The following SEC24D variants were observed in gnomAD, a reference collection of about 807,000 sequenced individuals.
SEC24D encodes protein transport protein Sec24D.
SEC24D carries 69 observed loss-of-function variants against 116.9 expected under a neutral mutation model. That is an observed-to-expected ratio of 0.59 (90% confidence interval 0.49 to 0.72). The LOEUF is 0.72. Ranked by LOEUF, SEC24D falls within the 30% of genes least tolerant of loss-of-function variation. SEC24D has a pLI of 0.00. For synonymous variants in SEC24D, 405 were observed against 442.8 expected, an observed-to-expected ratio of 0.91 and a Z score of 1.07; for missense variants, 1,131 against 1,264.1, an observed-to-expected ratio of 0.89 and a Z score of 1.60.
chr4:118,795,735 A>C (rs527940441), intron 8 of SEC24D, among the ~76,000 whole-genome samples: 1 of 152,272 alleles, frequency 6.6e-6, no homozygotes, highest in Non-Finnish European at 1.5e-5. Flanking sequence ...AAACAATCAC[A>C]ACTGTGGCTG....
intron 19 of SEC24D, chr4:118,735,625 G>A (rs1483950841): frequency 2.6e-5 from 4 of 151,490 alleles, no homozygotes; most frequent in Non-Finnish European, 5.9e-5. Flanking sequence ...TCAGAACAGT[G>A]AGATATTAGA....
chr4:118,735,474 T>G (rs1725911808), intron 19 of SEC24D, among the ~76,000 whole-genome samples: 1 of 152,202 alleles, frequency 6.6e-6, no homozygotes, highest in African/African-American at 2.4e-5. Flanking sequence ...TCTTTCCTTC[T>G]TTAGGTTTTA....
intron 8 of SEC24D, among the ~76,000 whole-genome samples, chr4:118,789,174 C>CCAGA (rs1463290239): frequency 5.9e-5 from 9 of 152,260 alleles, no homozygotes; most frequent in African/African-American, 1.9e-4. Flanking sequence ...TTTAATAGCC[C>CCAGA]CAGAACCTGT....
At chr4:118,812,125 T>C (rs1460709246) in intron 6 of SEC24D, among the ~76,000 whole-genome samples, 2 of 152,148 alleles carry the variant, frequency 1.3e-5, no homozygotes, top group Non-Finnish European at 2.9e-5. Flanking sequence ...ACAAACCCAG[T>C]ATACCGTACT....
chr4:118,790,105 A>G (rs925552119), intron 8 of SEC24D, among the ~76,000 whole-genome samples: 2 of 152,234 alleles, frequency 1.3e-5, no homozygotes, highest in African/African-American at 4.8e-5. Context: ...CCTAAAGTTC[A>G]GCAGAGTTCC....
chr4:118,822,122 A>C (rs1352444771), intron 3 of SEC24D, among the ~76,000 whole-genome samples: 1 of 152,202 alleles, frequency 6.6e-6, no homozygotes, highest in Non-Finnish European at 1.5e-5. Flanking sequence ...GATATTGACA[A>C]ATGCTAAGGT....
At chr4:118,790,192 A>G (rs927496760) in intron 8 of SEC24D, among the ~76,000 whole-genome samples, 2 of 152,194 alleles carry the variant, frequency 1.3e-5, no homozygotes, top group African/African-American at 2.4e-5. Flanking sequence ...TGCTAATTCA[A>G]TAAGCAAGGA....
chr4:118,745,116 T>TA (rs1726446713), intron 13 of SEC24D, 56 bp from the exon 14 acceptor site: 4 of 926,048 alleles, frequency 4.3e-6, no homozygotes, highest in Non-Finnish European at 6.8e-6. Context: ...TAGGAACATT[T>TA]TAAGAGAATC....
In SEC24D at chr4:118,805,919, T is replaced by C. The variant is rs1412770002; in HGVS notation, c.837A>G (p.Gly279=). 1 of 1,596,188 alleles carries C rather than the reference T, an allele frequency of 6.3e-7. No individual in the cohort carries two copies. The highest frequency in any genetic ancestry group is 1.2e-5 in the South Asian group (1 of 86,422). The change falls in exon 7 of 23, where the codon GGA becomes GGG. Residue 279 remains glycine, a synonymous_variant. Coordinates refer to ENST00000280551, the MANE Select transcript of SEC24D (RefSeq NM_014822.4). The part of the protein sequence containing the change: ...QVIENDRASR[G]GQVYATNTRG... ...TGGTGTTGGTGGCATAAACTTGTCC[T>C]CCTCTGCTGGCTCTATCATTCTCAA...
chr4:118,765,096 A>C (rs1428753350), intron 9 of SEC24D, among the ~76,000 whole-genome samples, 179 bp from the exon 10 acceptor site: 1 of 152,210 alleles, frequency 6.6e-6, no homozygotes, highest in Non-Finnish European at 1.5e-5. Context: ...GGAAAAGAGG[A>C]GGGTTCTTAT....
At chr4:118,768,838 A>G (rs1012239218) in intron 8 of SEC24D, among the ~76,000 whole-genome samples, 2 of 152,264 alleles carry the variant, frequency 1.3e-5, no homozygotes, top group African/African-American at 2.4e-5. Context: ...TTATAAGGAT[A>G]TATCAATATA....
intron 15 of SEC24D, among the ~76,000 whole-genome samples, chr4:118,742,344 G>A (rs545786958): frequency 1.0e-4 from 15 of 147,992 alleles, no homozygotes; most frequent in Non-Finnish European, 2.1e-4. Context: ...TGCCAGGAAT[G>A]GAAGATGATA....
intron 18 of SEC24D, 110 bp downstream of exon 18, chr4:118,739,039 G>C (rs763641550): frequency 1.0e-6 from 1 of 997,416 alleles, no homozygotes. Flanking sequence ...TATTAGTTCT[G>C]AATTTACCCA....
chr4:118,813,314 G>A (rs571027802), intron 6 of SEC24D, among the ~76,000 whole-genome samples: 1 of 152,298 alleles, frequency 6.6e-6, no homozygotes, highest in East Asian at 1.9e-4. Context: ...GCCTTCAGGG[G>A]CAGCACAGCC....
chr4:118,814,527 TAA>T (rs761472002), intron 6 of SEC24D, among the ~76,000 whole-genome samples: 6 of 152,210 alleles, frequency 3.9e-5, no homozygotes, highest in Non-Finnish European at 7.3e-5. Flanking sequence ...ATAAAATTAT[TAA>T]AGAGTAACCC....
chr4:118,728,559 A>G lies in SEC24D; in HGVS notation c.2958+2T>C. ...AAGGGAAAAATAAAATTGCTTTCTT[A>G]CCTTCATTGAATATGGCCTCTTTTG... On this transcript the variant is annotated splice_donor_variant, in intron 22 of 22. Transcript: ENST00000280551. LOFTEE classifies it high-confidence loss of function. The G allele has an allele frequency of 6.4e-7, 1 of 1,574,108 alleles. No individual in the cohort carries two copies. The highest frequency in any genetic ancestry group is 1.1e-5 in the South Asian group (1 of 87,208).
At chr4:118,758,755 T>A (rs1360472517) in intron 10 of SEC24D, 3 of 152,208 alleles carry the variant, frequency 2.0e-5, no homozygotes, top group Non-Finnish European at 4.4e-5. Context: ...ATCTTTCTGA[T>A]TCATTCTATA....
chr4:118,797,567 T>TA (rs961705867), intron 8 of SEC24D, 116 bp downstream of exon 8: 11 of 807,032 alleles, frequency 1.4e-5, no homozygotes, highest in Non-Finnish European at 2.0e-5. Context: ...TTTTGCATTA[T>TA]AAAAATATAT....
intron 7 of SEC24D, among the ~76,000 whole-genome samples, chr4:118,798,505 T>C (rs1405628588): frequency 6.6e-6 from 1 of 152,188 alleles, no homozygotes; most frequent in African/African-American, 2.4e-5. Context: ...AAGATAAATT[T>C]TGAAATAAAA....
Sources: gnomAD v4.1 joint callset for allele counts (sites outside exome capture counted in the v4.1 genomes callset) on GRCh38, gnomAD v4.1.1 for gene constraint, MANE v1.5 for transcripts, NCBI Gene and HGNC (gene_info 2026-07-23, HGNC 2026-07-21) for gene names.